The following ADARB2 variants were observed in gnomAD, a reference collection of about 807,000 sequenced individuals.
The protein encoded by ADARB2 is inactive double-stranded RNA-specific editase B2.
Under a neutral mutation model 62.2 loss-of-function variants are expected in ADARB2, and 25 were observed. The observed-to-expected ratio is 0.40, with a 90% CI of 0.29 to 0.56. The LOEUF (loss-of-function observed/expected upper bound fraction) is 0.56, where lower values mean the gene tolerates loss of function less well. Ranked by LOEUF, ADARB2 falls within the 20% of genes least tolerant of loss-of-function variation. The probability of loss-of-function intolerance (pLI) is 0.43; values close to 1 mark genes in which losing one functional copy is unlikely to be tolerated. For synonymous variants in ADARB2, 572 were observed against 500.8 expected, an observed-to-expected ratio of 1.14 and a Z score of -1.90; for missense variants, 1,071 against 1,077.4, an observed-to-expected ratio of 0.99 and a Z score of 0.08.
chr10:1,626,204 G>A (rs7922910), intron 1 of ADARB2, among the ~76,000 whole-genome samples: 1,742 of 62,550 alleles, frequency 0.028, 48 homozygotes, highest in African/African-American at 0.11. Flanking sequence ...GCCCACGCTC[G>A]CTCCTGCATG....
At chr10:1,591,659 G>GCACACACA (rs1255744378) in intron 1 of ADARB2, among the ~76,000 whole-genome samples, 31,808 of 122,542 alleles carry the variant, frequency 0.26, 3,451 homozygotes, top group Non-Finnish European at 0.3. Flanking sequence ...AGGCGTGCAC[G>GCACACACA]CACACACACA....
intron 1 of ADARB2, among the ~76,000 whole-genome samples, chr10:1,510,110 CTCTTTCTTTCTTTCTTTCTT>C (rs35894676): frequency 0.016 from 1,699 of 106,226 alleles, 13 homozygotes; most frequent in African/African-American, 0.02. Flanking sequence ...CTTTCTTTCT[CTCTTTCTTTCTTTCTTTCTT>C]TCTTTCTTTC....
chr10:1,382,833 G>A (rs980435796), intron 1 of ADARB2, among the ~76,000 whole-genome samples: 1 of 151,998 alleles, frequency 6.6e-6, no homozygotes, highest in Non-Finnish European at 1.5e-5. Flanking sequence ...CGGCTGGGCT[G>A]GCCAGGTGTT....
chr10:1,435,445 C>T (rs1354525360), intron 1 of ADARB2, among the ~76,000 whole-genome samples: 9 of 152,188 alleles, frequency 5.9e-5, no homozygotes, highest in Admixed American at 5.9e-4. Context: ...CGCTTGAGGG[C>T]AGAGCCTTTG....
At chr10:1,418,712 C>G (rs1208314666) in intron 1 of ADARB2, among the ~76,000 whole-genome samples, 6 of 152,128 alleles carry the variant, frequency 3.9e-5, no homozygotes, top group Admixed American at 3.9e-4. Context: ...CCTCAGTGCC[C>G]TAGCTAGTTT....
chr10:1,589,023 G>A (rs1482173520), intron 1 of ADARB2, among the ~76,000 whole-genome samples: 1 of 152,154 alleles, frequency 6.6e-6, no homozygotes, highest in African/African-American at 2.4e-5. Flanking sequence ...AACCTGAAGC[G>A]ACCTAAGGCT....
chr10:1,707,041 C>G (rs1834898723), intron 1 of ADARB2, among the ~76,000 whole-genome samples: 1 of 152,120 alleles, frequency 6.6e-6, no homozygotes, highest in Non-Finnish European at 1.5e-5. Context: ...AGATACACCC[C>G]ACAGAAAAAG....
At chr10:1,348,045 A>T (rs549121882) in intron 3 of ADARB2, among the ~76,000 whole-genome samples, 43 of 151,874 alleles carry the variant, frequency 2.8e-4, no homozygotes, top group Non-Finnish European at 5.0e-4. Context: ...CAGAGACAGA[A>T]GAGGGAGACA....
intron 1 of ADARB2, among the ~76,000 whole-genome samples, chr10:1,450,679 G>A (rs1831025828): frequency 1.3e-5 from 2 of 152,240 alleles, no homozygotes; most frequent in Admixed American, 6.5e-5. Flanking sequence ...GATTTATTCT[G>A]AAGGTCATGG....
At chr10:1,250,812 A>G (rs918590349) in intron 4 of ADARB2, among the ~76,000 whole-genome samples, 1 of 152,226 alleles carries the variant, frequency 6.6e-6, no homozygotes, top group African/African-American at 2.4e-5. Context: ...AAGAAGGCTA[A>G]TGCTGGAGAC....
chr10:1,594,393 T>C (rs974062432), intron 1 of ADARB2, among the ~76,000 whole-genome samples: 6 of 152,140 alleles, frequency 3.9e-5, no homozygotes, highest in Admixed American at 2.0e-4. Flanking sequence ...CACATAGCTG[T>C]AGGTTTCTCT....
At position 1,675,464 on chromosome 10, in the gene ADARB2, G is replaced by C. The variant is rs542865140; in HGVS notation, c.100+61587C>G. 3 of 983,360 alleles carry C rather than the reference G, an allele frequency of 3.1e-6. No homozygotes were observed. In the African/African-American group the frequency reaches 5.3e-5, roughly 17 times the overall value. The allele number at this position is 983,360 out of a possible 1,614,324, so 60.9% of individuals were successfully genotyped here. A position where few individuals can be genotyped will look rare whatever the true frequency, so the allele number is the denominator to read the frequency against. ...GGGTTGGAGGTGCATGGATGTTCTG[G>C]AGGTTTGGGTTTGGGGGTACATGGA... On this transcript the variant is annotated intron_variant, in intron 1 of 9. Transcript: ENST00000381312.
intron 3 of ADARB2, among the ~76,000 whole-genome samples, chr10:1,355,572 G>A (rs527839997): frequency 6.6e-6 from 1 of 152,354 alleles, no homozygotes; most frequent in East Asian, 1.9e-4. Context: ...GTTATCATCA[G>A]TAATCATGGC....
chr10:1,659,930 A>G (rs1834223412), intron 1 of ADARB2, among the ~76,000 whole-genome samples: 2 of 144,598 alleles, frequency 1.4e-5, no homozygotes, highest in South Asian at 2.3e-4. Flanking sequence ...CTCTTCCTCC[A>G]TTGCCTGCCC....
intron 1 of ADARB2, among the ~76,000 whole-genome samples, chr10:1,655,461 C>G (rs995470931): frequency 6.6e-6 from 1 of 152,224 alleles, no homozygotes; most frequent in African/African-American, 2.4e-5. Flanking sequence ...GAGGTAAAAA[C>G]TGCAACGCAC....
intron 2 of ADARB2, among the ~76,000 whole-genome samples, chr10:1,369,029 G>T (rs997387985): frequency 6.6e-6 from 1 of 151,852 alleles, no homozygotes; most frequent in African/African-American, 2.4e-5. Flanking sequence ...TCACGTCCAG[G>T]TGCCGCCCCT....
chr10:1,467,374 G>A (rs1340533182), intron 1 of ADARB2, among the ~76,000 whole-genome samples: 2 of 152,178 alleles, frequency 1.3e-5, no homozygotes, highest in African/African-American at 4.8e-5. Context: ...AGCTAATTAA[G>A]CCACTGCACG....
rs1832803150 is a variant in ADARB2 at position 1,562,847 on chromosome 10, G to A, written c.100+174204C>T. 1.3e-5 allele frequency among the ~76,000 whole-genome samples: 2 copies of A among 152,238 alleles called. 1 individual carries two copies. Among genetic ancestry groups the A allele is most frequent in the South Asian group, 4.1e-4 (2 of 4,834 alleles). On this transcript the variant is annotated intron_variant, in intron 1 of 9. Coordinates refer to ENST00000381312, the MANE Select transcript of ADARB2 (RefSeq NM_018702.4). Reference sequence around the variant, plus strand: ...ACTGCATGGGCTGGAGACAATGCAGGTGACAGTGGTGTCCCTCATGGCAGA... The same window carrying A: ...ACTGCATGGGCTGGAGACAATGCAGATGACAGTGGTGTCCCTCATGGCAGA...
intron 1 of ADARB2, among the ~76,000 whole-genome samples, chr10:1,515,783 T>C (rs1832001444): frequency 6.6e-6 from 1 of 152,230 alleles, no homozygotes; most frequent in Non-Finnish European, 1.5e-5. Flanking sequence ...GGCCAGCCAC[T>C]GATTGCCCGG....
Sources: allele counts gnomAD v4.1 joint callset (sites outside exome capture counted in the v4.1 genomes callset), GRCh38; gene constraint gnomAD v4.1.1; transcripts MANE v1.5; gene names NCBI Gene and HGNC (gene_info 2026-07-23, HGNC 2026-07-21).